KLHL24: variants seen among roughly 807,000 people sequenced by gnomAD.
KLHL24 encodes kelch-like protein 24.
Under a neutral mutation model 53.4 loss-of-function variants are expected in KLHL24, and 29 were observed. That is an observed-to-expected ratio of 0.54 (90% CI 0.40 to 0.74). The LOEUF (loss-of-function observed/expected upper bound fraction) is 0.74, where lower values mean the gene tolerates loss of function less well. Among genes scored for constraint, KLHL24 ranks in the 30% least tolerant of loss-of-function variants. The pLI is 0.00. For synonymous variants in KLHL24, 222 were observed against 253.7 expected (o/e 0.88, Z 1.19); for missense variants, 504 against 744.0 (o/e 0.68, Z 3.75).
rs535590501 is a variant in KLHL24, at chr3:183,683,583, A to G, written c.*4297A>G. On this transcript the variant is annotated 3_prime_UTR_variant, in exon 8 of 8. Coordinates refer to ENST00000242810, the MANE Select transcript of KLHL24 (RefSeq NM_017644.3). ...GCCAGGAGTGTGAATGAATAATTCC[A>G]GAGACACTTTAGACATTTTTTAATG... The G allele has an allele frequency of 4.6e-5, 7 of 152,776 alleles. No individual in the cohort carries two copies. Among genetic ancestry groups the G allele is most frequent in the African/African-American group, 1.7e-4 (7 of 41,578 alleles). The allele number at this position is 152,776 out of a possible 1,614,324, so 9.5% of individuals were successfully genotyped here. A position where few individuals can be genotyped will look rare whatever the true frequency, so the allele number is the denominator to read the frequency against.
intron 2 of KLHL24, among the ~76,000 whole-genome samples, chr3:183,646,361 CAAAAAAA>C (rs35945634): frequency 4.5e-5 from 3 of 66,744 alleles, no homozygotes; most frequent in Non-Finnish European, 3.1e-5. Flanking sequence ...GACTCCATCT[CAAAAAAA>C]AAAAAAAAAA....
At chr3:183,648,318 G>C (rs1009396726) in intron 2 of KLHL24, among the ~76,000 whole-genome samples, 1 of 152,106 alleles carries the variant, frequency 6.6e-6, no homozygotes, top group Non-Finnish European at 1.5e-5. Context: ...TTGATGTTAC[G>C]TATTTTATTT....
chr3:183,637,851 G>C (rs865862205), intron 1 of KLHL24, among the ~76,000 whole-genome samples: 1 of 152,166 alleles, frequency 6.6e-6, no homozygotes, highest in Admixed American at 6.6e-5. Flanking sequence ...TAGGGACGGG[G>C]TTTCACCATG....
chr3:183,649,134 A>C (rs1315097735), intron 2 of KLHL24, among the ~76,000 whole-genome samples: 1 of 152,228 alleles, frequency 6.6e-6, no homozygotes, highest in East Asian at 1.9e-4. Flanking sequence ...AACAAGACCT[A>C]GATAACATGC....
chr3:183,641,362 C>G (rs991171483), intron 1 of KLHL24, among the ~76,000 whole-genome samples: 2 of 150,478 alleles, frequency 1.3e-5, no homozygotes, highest in African/African-American at 4.9e-5. Flanking sequence ...CCTGTAGTCC[C>G]AGCTACATGG....
rs1712664353 is a variant in KLHL24 at position 183,681,432 on chromosome 3, A to G, written c.*2146A>G. On this transcript the variant is annotated 3_prime_UTR_variant, in exon 8 of 8. Coordinates refer to ENST00000242810, the MANE Select transcript of KLHL24 (RefSeq NM_017644.3). ...ATATTCTAGTATTTTTCTGTTGTAA[A>G]AAGTATTAACTATTTACTTTTATTT... The G allele has an allele frequency of 6.6e-6, 1 of 152,248 alleles. No homozygotes were observed. The highest frequency in any genetic ancestry group is 6.6e-5 in the Admixed American group (1 of 15,262). 9.4% of individuals were successfully genotyped at this position (152,248 alleles called of 1,614,324 possible). A position where few individuals can be genotyped will look rare whatever the true frequency, so the allele number is the denominator to read the frequency against.
chr3:183,648,726 G>T (rs923734335), intron 2 of KLHL24, among the ~76,000 whole-genome samples: 1 of 152,118 alleles, frequency 6.6e-6, no homozygotes, highest in Non-Finnish European at 1.5e-5. Context: ...ATTGGGCTGG[G>T]CACCATGCCT....
intron 6 of KLHL24, among the ~76,000 whole-genome samples, chr3:183,671,987 A>G (rs1007436228): frequency 3.9e-5 from 6 of 152,234 alleles, no homozygotes; most frequent in South Asian, 2.1e-4. Flanking sequence ...GATGTGAGGC[A>G]TAGTTATCCT....
chr3:183,668,020 C>T (rs1468616293), intron 5 of KLHL24, among the ~76,000 whole-genome samples: 3 of 150,124 alleles, frequency 2.0e-5, no homozygotes, highest in African/African-American at 4.9e-5. Flanking sequence ...GCTCAAAACA[C>T]AGTTTAAAAG....
intron 7 of KLHL24, among the ~76,000 whole-genome samples, chr3:183,675,795 A>G (rs1346027410): frequency 6.6e-6 from 1 of 152,054 alleles, no homozygotes; most frequent in African/African-American, 2.4e-5. Flanking sequence ...AAAGAAAGAA[A>G]AAAGAAAAAG....
chr3:183,659,509 G>A (rs1375816265), intron 3 of KLHL24, among the ~76,000 whole-genome samples: 2 of 152,230 alleles, frequency 1.3e-5, no homozygotes, highest in East Asian at 3.9e-4. Flanking sequence ...TCCAGCTTGA[G>A]CAACAGAGTG....
At chr3:183,647,028 G>T (rs1313012679) in intron 2 of KLHL24, among the ~76,000 whole-genome samples, 1 of 147,944 alleles carries the variant, frequency 6.8e-6, no homozygotes, top group Non-Finnish European at 1.5e-5. Flanking sequence ...AGCTAGGATG[G>T]TCTCGATTTC....
intron 2 of KLHL24, among the ~76,000 whole-genome samples, chr3:183,649,519 G>C (rs557227032): frequency 6.8e-6 from 1 of 147,980 alleles, no homozygotes; most frequent in South Asian, 2.1e-4. Flanking sequence ...TTAGGAGAGA[G>C]TGCTAAAAAA....
chr3:183,646,854 G>C (rs1717322230), intron 2 of KLHL24, among the ~76,000 whole-genome samples: 1 of 151,898 alleles, frequency 6.6e-6, no homozygotes, highest in Non-Finnish European at 1.5e-5. Context: ...CTGTCACCCA[G>C]GCTGGAGTGC....
chr3:183,668,139 C>A (rs542208992), intron 5 of KLHL24, among the ~76,000 whole-genome samples: 329 of 151,424 alleles, frequency 2.2e-3, no homozygotes, highest in Non-Finnish European at 4.0e-3. Context: ...TTAATAGAAT[C>A]TTTTCTAAAA....
Position 183,679,162 on chromosome 3 carries a change from A to G in KLHL24, c.1679A>G (p.Asp560Gly), listed in dbSNP as rs770801983. The G allele has an allele frequency of 5.0e-6, 8 of 1,613,910 alleles. No individual in the cohort carries two copies. The highest frequency in any genetic ancestry group is 5.9e-6 in the Non-Finnish European group (7 of 1,179,914). Reference sequence around the variant, plus strand: ...AGACGGGAAAATGGAGAAGCCACAGACACTATTCTCTGTTATGATCCTGCA... The same window carrying G: ...AGACGGGAAAATGGAGAAGCCACAGGCACTATTCTCTGTTATGATCCTGCA... Reference protein sequence around the residue: ...GGRRENGEATDTILCYDPATS... With the variant: ...GGRRENGEATGTILCYDPATS... The change falls in exon 8 of 8, where the codon GAC becomes GGC. Residue 560 changes from aspartate to glycine, a missense_variant. Physicochemically the swap from Asp to Gly is moderately conservative, Grantham distance 94. Coordinates refer to ENST00000242810, the MANE Select transcript of KLHL24 (RefSeq NM_017644.3).
intron 5 of KLHL24, among the ~76,000 whole-genome samples, chr3:183,668,365 A>T (rs1720867904): frequency 6.6e-6 from 1 of 152,146 alleles, no homozygotes; most frequent in South Asian, 2.1e-4. Context: ...TGACTTGAAG[A>T]TACCCAAAGC....
intron 5 of KLHL24, among the ~76,000 whole-genome samples, chr3:183,667,242 A>G (rs993771533): frequency 6.6e-6 from 1 of 152,080 alleles, no homozygotes; most frequent in Non-Finnish European, 1.5e-5. Flanking sequence ...ACATGGTGAA[A>G]CCCTGTCTAC....
intron 2 of KLHL24, among the ~76,000 whole-genome samples, chr3:183,648,636 ATACACT>A (rs1292456833): frequency 6.6e-6 from 1 of 152,132 alleles, no homozygotes. Context: ...CCAATTACTA[ATACACT>A]TTGAATCATG....
Sources: allele counts gnomAD v4.1 joint callset (sites outside exome capture counted in the v4.1 genomes callset), GRCh38; gene constraint gnomAD v4.1.1; transcripts MANE v1.5; gene names NCBI Gene and HGNC (gene_info 2026-07-23, HGNC 2026-07-21).